The following CSMD1 variants were observed in gnomAD, a reference collection of about 807,000 sequenced individuals.
CSMD1 encodes the protein CUB and sushi domain-containing protein 1.
Under a neutral mutation model 417.5 loss-of-function variants are expected in CSMD1, and 213 were observed. The ratio of observed to expected loss-of-function variants is 0.51; its 90% CI spans 0.46 to 0.57. The LOEUF is 0.57. Among genes scored for constraint, CSMD1 ranks in the 20% least tolerant of loss-of-function variants. The pLI is 0.00. For missense variants in CSMD1, 6,923 were observed against 4,529.7 expected (o/e 1.53, Z -15.17); for synonymous variants, 2,862 against 1,736.8 (o/e 1.65, Z -16.11).
intron 10 of CSMD1, among the ~76,000 whole-genome samples, chr8:3,494,581 T>TAGAC (rs1323148696): frequency 1.0e-4 from 15 of 149,720 alleles, no homozygotes; most frequent in African/African-American, 3.8e-4. Flanking sequence ...GATAGATAGA[T>TAGAC]AGATAGATAG....
At chr8:2,980,922 A>G (rs1265773285) in intron 54 of CSMD1, among the ~76,000 whole-genome samples, 1 of 152,258 alleles carries the variant, frequency 6.6e-6, no homozygotes, top group Admixed American at 6.5e-5. Flanking sequence ...AGCAATAAAT[A>G]TTCCTTGAGC....
chr8:4,571,281 C>T lies in CSMD1; in HGVS notation c.302+66061G>A, dbSNP rs887514427. On this transcript the variant is annotated intron_variant, in intron 2 of 69. Transcript: ENST00000635120. Reference sequence around the variant, plus strand: ...CCTGCTTTCTCATGTGAGAATTTAGCACTATGATTTTCCCTCAGAACACTG... The same window carrying T: ...CCTGCTTTCTCATGTGAGAATTTAGTACTATGATTTTCCCTCAGAACACTG... 3.3e-5 allele frequency among the ~76,000 whole-genome samples: 5 copies of T among 152,078 alleles called. No homozygotes were observed. The South Asian group carries it at 1.0e-3, about 31-fold the overall frequency.
chr8:4,369,972 G>C (rs1334780333), intron 3 of CSMD1, among the ~76,000 whole-genome samples: 1 of 152,122 alleles, frequency 6.6e-6, no homozygotes, highest in African/African-American at 2.4e-5. Context: ...TGACACGTGA[G>C]AATTGTATCT....
intron 1 of CSMD1, among the ~76,000 whole-genome samples, chr8:4,862,066 C>G (rs1174713182): frequency 1.3e-5 from 2 of 151,966 alleles, no homozygotes; most frequent in Non-Finnish European, 2.9e-5. Context: ...CAGGGAAATG[C>G]TACTGGGAAT....
intron 2 of CSMD1, among the ~76,000 whole-genome samples, chr8:4,445,063 T>C (rs895858260): frequency 2.6e-5 from 4 of 152,226 alleles, no homozygotes; most frequent in Non-Finnish European, 5.9e-5. Context: ...TATGCACTCA[T>C]ACAAAACTAC....
intron 5 of CSMD1, among the ~76,000 whole-genome samples, chr8:3,847,688 A>T (rs917054581): frequency 2.6e-5 from 4 of 152,110 alleles, no homozygotes; most frequent in African/African-American, 9.7e-5. Flanking sequence ...CTACTCAGCC[A>T]TGGAAAAACT....
intron 3 of CSMD1, among the ~76,000 whole-genome samples, chr8:4,137,971 C>T (rs371662217): frequency 2.0e-5 from 3 of 148,948 alleles, no homozygotes; most frequent in Admixed American, 1.3e-4. Context: ...TCCATCTCCT[C>T]GGTTCACGCC....
intron 3 of CSMD1, among the ~76,000 whole-genome samples, chr8:4,157,037 G>A (rs1796873394): frequency 6.6e-6 from 1 of 152,142 alleles, no homozygotes; most frequent in Non-Finnish European, 1.5e-5. Flanking sequence ...GGCATGTTAT[G>A]CACACAAGGA....
rs1480468874 is a variant in CSMD1 at position 4,485,775 on chromosome 8, A to T, written c.303-65710T>A. On this transcript the variant is annotated intron_variant, in intron 2 of 69. Transcript: ENST00000635120. Reference sequence around the variant, plus strand: ...GCTTTACTTTTCCAAAGTTGGTGACATACTGAAATGCATCTGCTACTGACA... The same window carrying T: ...GCTTTACTTTTCCAAAGTTGGTGACTTACTGAAATGCATCTGCTACTGACA... 3.3e-5 allele frequency among the ~76,000 whole-genome samples: 5 copies of T among 152,266 alleles called. No homozygotes were observed. In the East Asian group the frequency reaches 7.7e-4, roughly 24 times the overall value.
At chr8:4,699,001 G>A (rs1161831120) in intron 1 of CSMD1, among the ~76,000 whole-genome samples, 1 of 151,808 alleles carries the variant, frequency 6.6e-6, no homozygotes. Flanking sequence ...GTCATGCTTT[G>A]TGTCTCCACT....
At chr8:3,801,631 AAGAAAAC>A (rs1307845354) in intron 5 of CSMD1, among the ~76,000 whole-genome samples, 1 of 134,662 alleles carries the variant, frequency 7.4e-6, no homozygotes, top group Non-Finnish European at 1.7e-5. Flanking sequence ...TTTTCTACCC[AAGAAAAC>A]TGAAAACATA....
At chr8:4,046,261 T>C (rs1798141699) in intron 3 of CSMD1, among the ~76,000 whole-genome samples, 1 of 152,204 alleles carries the variant, frequency 6.6e-6, no homozygotes, top group African/African-American at 2.4e-5. Context: ...TTATTTCTAA[T>C]TATTGAATTC....
chr8:3,882,121 G>T (rs947853167), intron 5 of CSMD1, among the ~76,000 whole-genome samples: 1 of 151,980 alleles, frequency 6.6e-6, no homozygotes, highest in African/African-American at 2.4e-5. Flanking sequence ...GCCAGAAAGT[G>T]AGAAAAAATC....
chr8:3,261,408 C>T lies in CSMD1; in HGVS notation c.4153+22736G>A, dbSNP rs989254541. ...CATGATAAAGATAACAAATATGGTG[C>T]AGTATATACGGCTTGGGTGATGGGT... On this transcript the variant is annotated intron_variant, in intron 26 of 69. Transcript: ENST00000635120. Among the ~76,000 whole-genome samples, 3 of 152,130 alleles carry T rather than the reference C, an allele frequency of 2.0e-5. No homozygotes were observed. In the South Asian group the frequency reaches 6.2e-4, roughly 31 times the overall value.
intron 5 of CSMD1, among the ~76,000 whole-genome samples, chr8:3,770,723 A>G (rs13260148): frequency 0.012 from 1,808 of 152,160 alleles, 12 homozygotes; most frequent in Middle Eastern, 0.034. Context: ...CCATGATGGT[A>G]GCTCTCTTTC....
At chr8:4,117,660 C>T (rs1410240484) in intron 3 of CSMD1, among the ~76,000 whole-genome samples, 1 of 152,134 alleles carries the variant, frequency 6.6e-6, no homozygotes, top group Non-Finnish European at 1.5e-5. Context: ...CTTCTGGGTG[C>T]CAAATAGACA....
intron 26 of CSMD1, among the ~76,000 whole-genome samples, chr8:3,241,480 T>A (rs933625415): frequency 6.6e-6 from 1 of 152,192 alleles, no homozygotes; most frequent in African/African-American, 2.4e-5. Flanking sequence ...GTGTCAGTCT[T>A]CAGCCACTAA....
At chr8:4,666,389 T>C (rs1196486579) in intron 1 of CSMD1, among the ~76,000 whole-genome samples, 5 of 152,076 alleles carry the variant, frequency 3.3e-5, no homozygotes, top group Admixed American at 6.6e-5. Context: ...TGAGTCAACA[T>C]GATAAGGACT....
Position 3,575,080 on chromosome 8 carries a change from G to C in CSMD1, c.1223-14C>G, listed in dbSNP as rs372084022. 11 of 1,605,026 alleles carry C rather than the reference G, an allele frequency of 6.9e-6. No individual in the cohort carries two copies. The highest frequency in any genetic ancestry group is 2.2e-5 in the South Asian group (2 of 90,648). On this transcript the variant is annotated splice_polypyrimidine_tract_variant and intron_variant, in intron 9 of 69. Transcript: ENST00000635120. ...CACATGTTCTCGCTGGAAACACATA[G>C]AAACGACGTTATTTTCTACAACATT... is the stretch of plus-strand genomic sequence containing the variant.
Sources: allele counts gnomAD v4.1 joint callset (sites outside exome capture counted in the v4.1 genomes callset), GRCh38; gene constraint gnomAD v4.1.1; transcripts MANE v1.5; gene names NCBI Gene and HGNC (gene_info 2026-07-23, HGNC 2026-07-21).